The following KCNK2 variants were observed in gnomAD, a reference collection of about 807,000 sequenced individuals.
The protein encoded by KCNK2 is potassium two pore domain channel subfamily K member 2, also known as potassium channel subfamily K member 2.
Under a neutral mutation model 40.5 loss-of-function variants are expected in KCNK2, and 21 were observed. The observed-to-expected ratio is 0.52, with a 90% CI of 0.37 to 0.75. The LOEUF is 0.75. Among genes scored for constraint, KCNK2 ranks in the 30% least tolerant of loss-of-function variants. The pLI, the probability that KCNK2 is intolerant of heterozygous loss-of-function variation, is 0.00. For missense variants in KCNK2, 399 were observed against 531.6 expected, an observed-to-expected ratio of 0.75 and a Z score of 2.45; for synonymous variants, 191 against 202.2, an observed-to-expected ratio of 0.94 and a Z score of 0.47.
chr1:215,017,698 T>C (rs1459430805), intron 1 of KCNK2, among the ~76,000 whole-genome samples: 1 of 152,176 alleles, frequency 6.6e-6, no homozygotes, highest in Non-Finnish European at 1.5e-5. Flanking sequence ...TAATGTATAC[T>C]TGAAAATTAC....
chr1:215,056,614 T>TG (rs1658177943), intron 1 of KCNK2, among the ~76,000 whole-genome samples: 1 of 73,956 alleles, frequency 1.4e-5, no homozygotes, highest in Non-Finnish European at 2.6e-5. Context: ...TTGTGTCCAC[T>TG]CTTTTTTTTT....
chr1:215,094,115 T>C (rs1161371809), intron 2 of KCNK2, among the ~76,000 whole-genome samples: 6 of 150,206 alleles, frequency 4.0e-5, no homozygotes, highest in South Asian at 2.1e-4. Flanking sequence ...ATTGGATATT[T>C]GACTTCAGTC....
chr1:215,031,931 C>T (rs1349432832), intron 1 of KCNK2, among the ~76,000 whole-genome samples: 1 of 152,124 alleles, frequency 6.6e-6, no homozygotes, highest in Admixed American at 6.5e-5. Flanking sequence ...TATACTACTT[C>T]ACTGCTAGTG....
At chr1:215,115,485 C>A (rs575809202) in intron 2 of KCNK2, among the ~76,000 whole-genome samples, 3 of 152,060 alleles carry the variant, frequency 2.0e-5, no homozygotes, top group Non-Finnish European at 4.4e-5. Context: ...TAGTGTAGCA[C>A]GCCTTGGGCA....
intron 3 of KCNK2, among the ~76,000 whole-genome samples, chr1:215,129,780 C>G (rs1478583764): frequency 6.6e-6 from 1 of 152,088 alleles, no homozygotes; most frequent in East Asian, 1.9e-4. Context: ...TGGTAACATT[C>G]TAAATTCAGT....
At chr1:215,168,518 C>A (rs1371444162) in intron 3 of KCNK2, among the ~76,000 whole-genome samples, 1 of 152,140 alleles carries the variant, frequency 6.6e-6, no homozygotes, top group African/African-American at 2.4e-5. Context: ...GAATACTATG[C>A]AGCCATAAAA....
At chr1:215,102,331 A>G (rs982064418) in intron 2 of KCNK2, among the ~76,000 whole-genome samples, 1 of 151,976 alleles carries the variant, frequency 6.6e-6, no homozygotes, top group Non-Finnish European at 1.5e-5. Flanking sequence ...TTTCATTAAA[A>G]CTGTTTGATT....
intron 1 of KCNK2, among the ~76,000 whole-genome samples, chr1:215,035,389 C>G (rs538615065): frequency 6.6e-6 from 1 of 152,222 alleles, no homozygotes; most frequent in Non-Finnish European, 1.5e-5. Context: ...GATCACTCTA[C>G]AAATTACTCT....
At chr1:215,137,190 C>T (rs967679684) in intron 3 of KCNK2, among the ~76,000 whole-genome samples, 2 of 152,100 alleles carry the variant, frequency 1.3e-5, no homozygotes, top group African/African-American at 4.8e-5. Context: ...TTTCCATTAG[C>T]ATTTAGAGTA....
At chr1:215,168,988 A>T (rs1663573919) in intron 3 of KCNK2, among the ~76,000 whole-genome samples, 1 of 152,156 alleles carries the variant, frequency 6.6e-6, no homozygotes, top group African/African-American at 2.4e-5. Context: ...TAATTGGAAT[A>T]TTAACTATAC....
intron 1 of KCNK2, among the ~76,000 whole-genome samples, chr1:215,008,442 G>A (rs780129176): frequency 6.6e-6 from 1 of 152,084 alleles, no homozygotes; most frequent in Non-Finnish European, 1.5e-5. Flanking sequence ...GAAAAAACAA[G>A]TATTTTCAGT....
intron 1 of KCNK2, among the ~76,000 whole-genome samples, chr1:215,032,541 A>C (rs1173522778): frequency 6.6e-6 from 1 of 152,172 alleles, no homozygotes; most frequent in East Asian, 1.9e-4. Flanking sequence ...TCTCTCTAAA[A>C]TACTTCTTTT....
At chr1:215,007,199 A>ATGTGTG (rs1656207273) in intron 1 of KCNK2, among the ~76,000 whole-genome samples, 1 of 53,168 alleles carries the variant, frequency 1.9e-5, no homozygotes, top group East Asian at 7.5e-4. Context: ...ATATATATAT[A>ATGTGTG]TATATATATA....
intron 2 of KCNK2, among the ~76,000 whole-genome samples, chr1:215,109,478 GCTTAT>G (rs1265141738): frequency 9.4e-4 from 142 of 151,794 alleles, no homozygotes; most frequent in Non-Finnish European, 2.2e-4. Flanking sequence ...TCTGTACCTG[GCTTAT>G]CTTAATTAAT....
intron 1 of KCNK2, among the ~76,000 whole-genome samples, chr1:215,059,883 A>C (rs1658308965): frequency 6.6e-6 from 1 of 152,186 alleles, no homozygotes; most frequent in Admixed American, 6.5e-5. Flanking sequence ...GGGAACACCC[A>C]TGGCTGACGT....
At chr1:215,137,235 C>T (rs948746681) in intron 3 of KCNK2, among the ~76,000 whole-genome samples, 6 of 151,842 alleles carry the variant, frequency 4.0e-5, no homozygotes, top group East Asian at 1.9e-4. Flanking sequence ...GTCAATATCA[C>T]GATGATAAAA....
chr1:215,062,595 C>T (rs1439962992), intron 1 of KCNK2, among the ~76,000 whole-genome samples: 3 of 150,760 alleles, frequency 2.0e-5, no homozygotes, highest in Non-Finnish European at 4.4e-5. Flanking sequence ...CTATCTAAAT[C>T]ATTTCAGGTG....
intron 1 of KCNK2, among the ~76,000 whole-genome samples, chr1:215,018,531 A>C (rs1251809575): frequency 1.3e-5 from 2 of 152,188 alleles, no homozygotes; most frequent in Non-Finnish European, 2.9e-5. Context: ...AAATAATTAG[A>C]GACTCAAGGA....
intron 5 of KCNK2, among the ~76,000 whole-genome samples, chr1:215,190,935 A>C (rs1664638481): frequency 6.6e-6 from 1 of 151,290 alleles, no homozygotes. Context: ...GAGCATATTA[A>C]CTGGGTTAGG....
Sources: gnomAD v4.1 joint callset for allele counts (sites outside exome capture counted in the v4.1 genomes callset) on GRCh38, gnomAD v4.1.1 for gene constraint, MANE v1.5 for transcripts, NCBI Gene and HGNC (gene_info 2026-07-23, HGNC 2026-07-21) for gene names.